RAD52: variants seen among roughly 807,000 people sequenced by gnomAD.
RAD52 encodes the protein RAD52 DNA repair protein, also known as DNA repair protein RAD52 homolog.
RAD52 carries 47 observed loss-of-function variants against 55.5 expected under a neutral mutation model. The ratio of observed to expected loss-of-function variants is 0.85; its 90% CI spans 0.67 to 1.08. The LOEUF (loss-of-function observed/expected upper bound fraction) is 1.08. Ranked by LOEUF, RAD52 falls within the 50% of genes least tolerant of loss-of-function variation. RAD52 has a pLI of 0.00. For synonymous variants in RAD52, 184 were observed against 198.9 expected (o/e 0.92, Z 0.63); for missense variants, 468 against 522.8 (o/e 0.90, Z 1.02).
intron 1 of RAD52, among the ~76,000 whole-genome samples, chr12:966,736 G>A (rs144809916): frequency 1.9e-3 from 282 of 152,012 alleles, no homozygotes; most frequent in Non-Finnish European, 3.2e-3. Flanking sequence ...AAACAGACAC[G>A]GATCTGTCCT....
chr12:952,705 A>G (rs1958545345), upstream of RAD52, among the ~76,000 whole-genome samples: 1 of 150,684 alleles, frequency 6.6e-6, no homozygotes, highest in Admixed American at 6.6e-5. Context: ...CAGCCTGGCC[A>G]ACACGGTAAA....
At chr12:988,091 GCCT>G (rs1565719039) in intron 1 of RAD52, among the ~76,000 whole-genome samples, 1 of 152,072 alleles carries the variant, frequency 6.6e-6, no homozygotes, top group Non-Finnish European at 1.5e-5. Flanking sequence ...TTACACCTCA[GCCT>G]CCTGAATAGC....
chr12:968,694 A>G (rs7955610), intron 1 of RAD52, among the ~76,000 whole-genome samples: 118,311 of 151,958 alleles, frequency 0.78, 46,362 homozygotes, highest in Middle Eastern at 0.85. Flanking sequence ...AAAAGCTTCA[A>G]CTCATTGTGG....
intron 9 of RAD52, 137 bp downstream of exon 9, chr12:916,207 T>C (rs1336915055): frequency 4.1e-6 from 6 of 1,462,994 alleles, no homozygotes; most frequent in Non-Finnish European, 5.4e-6. Flanking sequence ...TCATCTCTCC[T>C]GCGTGTAGCT....
At chr12:942,380 T>A (rs1364253613) in intron 1 of RAD52, among the ~76,000 whole-genome samples, 1 of 152,162 alleles carries the variant, frequency 6.6e-6, no homozygotes, top group African/African-American at 2.4e-5. Flanking sequence ...GGAAAAGAAA[T>A]TAATATTTAA....
chr12:933,174 T>G, intron 1 of RAD52, 98 bp from the exon 2 acceptor site: 1 of 849,106 alleles, frequency 1.2e-6, no homozygotes, highest in Middle Eastern at 3.5e-4. Flanking sequence ...AGAATCCTTA[T>G]GCGGCCAGGC....
At chr12:960,545 C>G (rs910870990) in intron 1 of RAD52, among the ~76,000 whole-genome samples, 6 of 152,108 alleles carry the variant, frequency 3.9e-5, no homozygotes, top group African/African-American at 1.4e-4. Flanking sequence ...AAACTGCAGC[C>G]TCAAACTCCT....
rs569436396 is a variant in RAD52 at position 944,237 on chromosome 12, A to T, written c.-19+5365T>A. Among the ~76,000 whole-genome samples, 13 of 151,812 alleles carry T rather than the reference A, an allele frequency of 8.6e-5. No individual in the cohort carries two copies. The South Asian group carries it at 1.5e-3, about 17-fold the overall frequency. On this transcript the variant is annotated intron_variant, in intron 1 of 11. Transcript: ENST00000358495. The stretch of plus-strand genomic sequence containing the variant: ...TCAAAAAAAAAGAAAGAAAGAAATT[A>T]AGTAGCCAGGAGTGGTGGCTCACGC...
At chr12:926,855 C>A (rs1016942558) in intron 6 of RAD52, 1 of 1,536,814 alleles carries the variant, frequency 6.5e-7, no homozygotes. Context: ...TGTGCACTCG[C>A]AGTAGGAGTG....
intron 3 of RAD52, 101 bp from the exon 4 acceptor site, chr12:930,245 G>T: frequency 1.0e-6 from 1 of 968,244 alleles, no homozygotes; most frequent in South Asian, 1.6e-5. Context: ...TACTTTTTTC[G>T]ATAAACTGTC....
At chr12:934,118 A>C (rs11503085) in intron 1 of RAD52, among the ~76,000 whole-genome samples, 2 of 150,116 alleles carry the variant, frequency 1.3e-5, no homozygotes, top group African/African-American at 2.4e-5. Flanking sequence ...AAAAAAAAAA[A>C]CAAAAAAAAA....
Position 912,304 on chromosome 12 carries a change from A to T in RAD52, c.*1087T>A. 5.0e-6 allele frequency: 1 copy of T among 198,660 alleles called. No individual in the cohort carries two copies. The highest frequency in any genetic ancestry group is 2.3e-5 in the African/African-American group (1 of 43,384). 12.3% of individuals were successfully genotyped at this position (198,660 alleles called of 1,614,324 possible). ...ATACAACAGTTTATGCAGCGACCCT[A>T]AGAGAAAAAAAAACCCAGCCCTCTT... On this transcript the variant is annotated 3_prime_UTR_variant, in exon 12 of 12. Transcript: ENST00000358495.
At chr12:957,276 GGT>G (rs1386594976) in intron 1 of RAD52, among the ~76,000 whole-genome samples, 7 of 151,674 alleles carry the variant, frequency 4.6e-5, no homozygotes, top group African/African-American at 7.3e-5. Flanking sequence ...TGGCCAACAT[GGT>G]GAAACCCCGT....
Position 913,367 on chromosome 12 carries a change from C to A in RAD52, c.*24G>T. On this transcript the variant is annotated 3_prime_UTR_variant, in exon 12 of 12. Transcript: ENST00000358495. Reference sequence around the variant, plus strand: ...TTCCAAAGTCCCTTTGTGACAGAGTCCAATTATGTGGCCTGAGCCTCAGTT... The same window carrying A: ...TTCCAAAGTCCCTTTGTGACAGAGTACAATTATGTGGCCTGAGCCTCAGTT... The A allele has an allele frequency of 1.3e-6, 2 of 1,560,324 alleles. No homozygotes were observed. The highest frequency in any genetic ancestry group is 1.8e-6 in the Non-Finnish European group (2 of 1,137,196).
intron 1 of RAD52, among the ~76,000 whole-genome samples, chr12:936,413 C>CTTTTTTTTTTTTTTTTTTTTTTTTTTTT (rs1957632351): frequency 3.4e-5 from 5 of 147,760 alleles, no homozygotes; most frequent in African/African-American, 1.3e-4. Context: ...TGCTCTTTTA[C>CTTTTTTTTTTTTTTTTTTTTTTTTTTTT]TTTGAAAAAG....
intron 2 of RAD52, among the ~76,000 whole-genome samples, chr12:931,616 A>T (rs1216164852): frequency 6.6e-6 from 1 of 152,198 alleles, no homozygotes; most frequent in Non-Finnish European, 1.5e-5. Context: ...GATAATTTTG[A>T]CCTTCTGGAC....
chr12:929,709 A>G, intron 5 of RAD52, 110 bp downstream of exon 5: 1 of 1,036,502 alleles, frequency 9.6e-7, no homozygotes, highest in Non-Finnish European at 1.5e-6. Context: ...GCTGGCTGAG[A>G]CACAACTCTG....
chr12:914,543 CAGAGGAG>C lies in RAD52; in HGVS notation c.866-18_866-12del. 1.2e-6 allele frequency: 2 copies of C among 1,612,808 alleles called. No individual in the cohort carries two copies. The highest frequency in any genetic ancestry group is 1.7e-6 in the Non-Finnish European group (2 of 1,179,818). ...GGGCCGGAGGCGCTGCTACGGTTCA[CAGAGGAG>C]AGAAAGGACAAGTCATCATCACATC... On this transcript the variant is annotated splice_polypyrimidine_tract_variant and intron_variant, in intron 9 of 11. Transcript: ENST00000358495.
chr12:941,650 G>A (rs2154117647), intron 1 of RAD52, among the ~76,000 whole-genome samples: 1 of 150,940 alleles, frequency 6.6e-6, no homozygotes, highest in Non-Finnish European at 1.5e-5. Flanking sequence ...ATTATTTTTT[G>A]AGACAGAGTT....
Sources: allele counts gnomAD v4.1 joint callset (sites outside exome capture counted in the v4.1 genomes callset), GRCh38; gene constraint gnomAD v4.1.1; transcripts MANE v1.5; gene names NCBI Gene and HGNC (gene_info 2026-07-23, HGNC 2026-07-21).